Variants in RRN3 observed in about 807,000 individuals in gnomAD.
The protein encoded by RRN3 is RNA polymerase I-specific transcription initiation factor RRN3.
In RRN3, 38 loss-of-function variants were observed where a neutral mutation model predicts 82.3. The ratio of observed to expected loss-of-function variants is 0.46; its 90% confidence interval spans 0.36 to 0.61. RRN3 has a LOEUF of 0.61. Among genes scored for constraint, RRN3 ranks in the 20% least tolerant of loss-of-function variants. The pLI is 0.00. For synonymous variants in RRN3, 284 were observed against 284.3 expected (o/e 1.00, Z 0.01); for missense variants, 726 against 793.1 (o/e 0.92, Z 1.02).
intron 2 of RRN3, among the ~76,000 whole-genome samples, chr16:15,092,248 C>T (rs2966176): frequency 0.018 from 2,793 of 152,104 alleles, 41 homozygotes; most frequent in Non-Finnish European, 0.028. Context: ...AAAGATGCTT[C>T]GTAAATAAAG....
At position 15,086,491 on chromosome 16, in the gene RRN3, T is replaced by C. The variant is rs531375125; in HGVS notation, c.253-37A>G. The C allele has an allele frequency of 1.9e-6, 3 of 1,608,384 alleles. No individual in the cohort carries two copies. In the East Asian group the frequency reaches 6.7e-5, roughly 36 times the overall value. ...CAAAGAGTACTTTCAAAATCACAAA[T>C]CCTCTAACATAACAGAAATTTACAG... On this transcript the variant is annotated intron_variant, in intron 3 of 17. Transcript: ENST00000198767.
intron 3 of RRN3, among the ~76,000 whole-genome samples, chr16:15,086,904 A>G (rs1410712290): frequency 6.6e-6 from 1 of 152,218 alleles, no homozygotes; most frequent in Admixed American, 6.5e-5. Flanking sequence ...ATGAATAAAC[A>G]TAACTTTTCT....
rs572367311 is a variant in RRN3 at position 15,061,396 on chromosome 16, C to T, written c.*348G>A. ...AAAAACCCATGTTAAAACAGCAACC[C>T]GTAAAACAGTCTGCTGCCTATATTA... On this transcript the variant is annotated 3_prime_UTR_variant, in exon 18 of 18. Coordinates refer to ENST00000198767, the MANE Select transcript of RRN3 (RefSeq NM_018427.5). The T allele has an allele frequency of 6.1e-5, 15 of 245,766 alleles. No homozygotes were observed. Among genetic ancestry groups the T allele is most frequent in the Admixed American group, 1.1e-4 (2 of 18,136 alleles). 15.2% of individuals were successfully genotyped at this position (245,766 alleles called of 1,614,324 possible).
rs199965159 is a variant in RRN3 at position 15,080,804 on chromosome 16, C to T, written c.667-708G>A. Reference sequence around the variant, plus strand: ...CCCTAAAAAATGAAGACCTTGGCAACCACTAGTCTTTCTATGAATCTGCCT... The same window carrying T: ...CCCTAAAAAATGAAGACCTTGGCAATCACTAGTCTTTCTATGAATCTGCCT... On this transcript the variant is annotated intron_variant, in intron 8 of 17. Coordinates refer to ENST00000198767, the MANE Select transcript of RRN3 (RefSeq NM_018427.5). Among the ~76,000 whole-genome samples the T allele has an allele frequency of 3.5e-5, 5 of 141,752 alleles. No individual in the cohort carries two copies. In the East Asian group the frequency reaches 1.0e-3, roughly 29 times the overall value. The allele number at this position is 141,752 out of a possible 152,430, so 93.0% of individuals were successfully genotyped here. A position where few individuals can be genotyped will look rare whatever the true frequency, so the allele number is the denominator to read the frequency against.
chr16:15,074,453 G>C (rs1433721424), intron 11 of RRN3, among the ~76,000 whole-genome samples: 2 of 152,122 alleles, frequency 1.3e-5, no homozygotes, highest in Non-Finnish European at 2.9e-5. Context: ...AGCGTAATTT[G>C]ATCTAAAACT....
chr16:15,060,095 C>A lies in RRN3; in HGVS notation c.*1649G>T, dbSNP rs1470679551. On this transcript the variant is annotated 3_prime_UTR_variant, in exon 18 of 18. Transcript: ENST00000198767. ...TTCCAGATTAACCATGTCATTGTTT[C>A]ATTTTCACCATGGATTTTTTTTCAC... 1 of 327,486 alleles carries A rather than the reference C, an allele frequency of 3.1e-6. No individual in the cohort carries two copies. The highest frequency in any genetic ancestry group is 6.1e-6 in the Non-Finnish European group (1 of 164,364). The allele number at this position is 327,486 out of a possible 1,614,324, so 20.3% of individuals were successfully genotyped here.
At chr16:15,091,558 C>T (rs1291895958) in intron 2 of RRN3, among the ~76,000 whole-genome samples, 187 bp from the exon 3 acceptor site, 1 of 151,258 alleles carries the variant, frequency 6.6e-6, no homozygotes, top group African/African-American at 2.4e-5. Context: ...AGCCAGAGGG[C>T]TTGGAAAAAG....
rs113437125 is a variant in RRN3 at position 15,086,016 on chromosome 16, T to C, written c.472+113A>G. 186 of 740,258 alleles carry C rather than the reference T, an allele frequency of 2.5e-4. 2 individuals are homozygous for C. In the African/African-American group the frequency reaches 3.0e-3, roughly 12 times the overall value. The allele number at this position is 740,258 out of a possible 1,614,324, so 45.9% of individuals were successfully genotyped here. A position where few individuals can be genotyped will look rare whatever the true frequency, so the allele number is the denominator to read the frequency against. On this transcript the variant is annotated intron_variant, in intron 5 of 17. Transcript: ENST00000198767. The stretch of plus-strand genomic sequence containing the variant: ...GGGAATATATGTCTACCAGACCTGG[T>C]GCCAATATGCATCTGGAATCTTCCA...
chr16:15,092,370 C>A, intron 2 of RRN3, 139 bp downstream of exon 2: 1 of 657,604 alleles, frequency 1.5e-6, no homozygotes, highest in East Asian at 2.7e-5. Context: ...TTTGCACTGA[C>A]GGCATCATGC....
At chr16:15,063,533 C>T (rs1490043209) in intron 16 of RRN3, among the ~76,000 whole-genome samples, 1 of 151,582 alleles carries the variant, frequency 6.6e-6, no homozygotes, top group Admixed American at 6.6e-5. Context: ...ACGGTGAAAC[C>T]CCATCTCTAC....
chr16:15,077,331 G>A (rs148475141), intron 9 of RRN3, among the ~76,000 whole-genome samples: 1 of 152,100 alleles, frequency 6.6e-6, no homozygotes, highest in Non-Finnish European at 1.5e-5. Context: ...TGTTGCTGGG[G>A]GGGGACTGGT....
intron 3 of RRN3, 144 bp downstream of exon 3, chr16:15,091,171 T>G: frequency 1.3e-6 from 1 of 766,208 alleles, no homozygotes. Flanking sequence ...GGTAAAACTG[T>G]CCCTGGTTGA....
chr16:15,088,961 T>C (rs1465500098), intron 3 of RRN3, among the ~76,000 whole-genome samples: 1 of 151,998 alleles, frequency 6.6e-6, no homozygotes, highest in Non-Finnish European at 1.5e-5. Flanking sequence ...ATGCTAAGTT[T>C]GGAGCATCTA....
intron 12 of RRN3, among the ~76,000 whole-genome samples, chr16:15,071,566 G>A (rs1567196244): frequency 1.3e-5 from 2 of 152,128 alleles, no homozygotes; most frequent in African/African-American, 4.8e-5. Context: ...TCAGGAGCTC[G>A]AGACCAGCCT....
intron 8 of RRN3, among the ~76,000 whole-genome samples, chr16:15,083,090 G>C (rs1445245422): frequency 1.3e-5 from 2 of 152,162 alleles, no homozygotes; most frequent in Non-Finnish European, 1.5e-5. Context: ...AAGTCTAGAA[G>C]ACAAAGTAAC....
chr16:15,089,786 C>CAAAAAAAA (rs142235345), intron 3 of RRN3, among the ~76,000 whole-genome samples: 16 of 66,578 alleles, frequency 2.4e-4, no homozygotes, highest in Admixed American at 9.3e-4. Flanking sequence ...GGCGACAGAG[C>CAAAAAAAA]AAAAAAAAAA....
At position 15,061,153 on chromosome 16, in the gene RRN3, CA is replaced by C; in HGVS notation, c.*590del. On this transcript the variant is annotated 3_prime_UTR_variant, in exon 18 of 18. Coordinates refer to ENST00000198767, the MANE Select transcript of RRN3 (RefSeq NM_018427.5). ...CCCTGGAGATCTTCAGTGCCAGCTC[CA>C]ACTCTGTGTCCCAGACCATGTCGGG... The C allele has an allele frequency of 6.6e-6, 1 of 152,376 alleles. No individual in the cohort carries two copies. Among genetic ancestry groups the C allele is most frequent in the African/African-American group, 2.4e-5 (1 of 41,578 alleles). The allele number at this position is 152,376 out of a possible 1,614,324, so 9.4% of individuals were successfully genotyped here. A position where few individuals can be genotyped will look rare whatever the true frequency, so the allele number is the denominator to read the frequency against.
At chr16:15,090,923 G>A (rs1289130636) in intron 3 of RRN3, among the ~76,000 whole-genome samples, 2 of 143,120 alleles carry the variant, frequency 1.4e-5, no homozygotes, top group African/African-American at 5.2e-5. Context: ...CAAGAGAGTT[G>A]CATGCAGCAT....
rs560867104 is a variant in RRN3 at position 15,081,020 on chromosome 16, T to C, written c.667-924A>G. Among the ~76,000 whole-genome samples, 34 of 152,324 alleles carry C rather than the reference T, an allele frequency of 2.2e-4. No individual in the cohort carries two copies. In the South Asian group the frequency reaches 3.9e-3, roughly 18 times the overall value. On this transcript the variant is annotated intron_variant, in intron 8 of 17. Transcript: ENST00000198767. Reference sequence around the variant, plus strand: ...ATGGAGTCATATAATACACAGTCTTTTGGCATGTTTTTAGGGTCCAATCAT... The same window carrying C: ...ATGGAGTCATATAATACACAGTCTTCTGGCATGTTTTTAGGGTCCAATCAT...
Sources: gnomAD v4.1 joint callset for allele counts (sites outside exome capture counted in the v4.1 genomes callset) on GRCh38, gnomAD v4.1.1 for gene constraint, MANE v1.5 for transcripts, NCBI Gene and HGNC (gene_info 2026-07-23, HGNC 2026-07-21) for gene names.